MAST4: variants seen among roughly 807,000 people sequenced by gnomAD.
MAST4 encodes the protein microtubule associated serine/threonine kinase family member 4.
In MAST4, 89 loss-of-function variants were observed where a neutral mutation model predicts 162.7. The observed-to-expected ratio is 0.55, with a 90% CI of 0.46 to 0.65. The LOEUF is 0.65. Among genes scored for constraint, MAST4 ranks in the 30% least tolerant of loss-of-function variants. The pLI, the probability that MAST4 is intolerant of heterozygous loss-of-function variation, is 0.00. For synonymous variants in MAST4, 1,479 were observed against 1,361.1 expected (o/e 1.09, Z -1.91); for missense variants, 3,153 against 3,374.0 (o/e 0.93, Z 1.62).
intron 4 of MAST4, among the ~76,000 whole-genome samples, chr5:66,943,035 A>AC (rs1302536716): frequency 6.6e-6 from 1 of 152,012 alleles, no homozygotes; most frequent in Non-Finnish European, 1.5e-5. Flanking sequence ...TTTATAAGGT[A>AC]CTGATGCCAT....
In MAST4 at chr5:67,142,172, T is replaced by G. The variant is rs373308515; in HGVS notation, c.2552T>G (p.Leu851Trp). 1 of 1,613,990 alleles carries G rather than the reference T, an allele frequency of 6.2e-7. No individual in the cohort carries two copies. The highest frequency in any genetic ancestry group is 1.3e-5 in the African/African-American group (1 of 75,066). ...RFFRSLDWNSLLRQKAEFIPQ... is the reference protein window; with the variant it reads ...RFFRSLDWNSWLRQKAEFIPQ... ...TTCCGTTCTTTAGACTGGAACAGTT[T>G]GCTGAGACAGAAGGCAGAATTTATT... The change falls in exon 20 of 29, where the codon TTG (leucine) becomes TGG (tryptophan). Residue 851 changes from leucine (L) to tryptophan (W), a missense_variant. Transcript: ENST00000403625.
intron 3 of MAST4, among the ~76,000 whole-genome samples, chr5:66,892,899 T>G (rs1348301765): frequency 6.6e-6 from 1 of 152,164 alleles, no homozygotes; most frequent in Non-Finnish European, 1.5e-5. Context: ...GCCAGCTGAT[T>G]TTGTGATGAA....
chr5:67,019,849 T>A (rs1753761154), intron 4 of MAST4, among the ~76,000 whole-genome samples: 1 of 152,154 alleles, frequency 6.6e-6, no homozygotes, highest in Non-Finnish European at 1.5e-5. Context: ...GGAGGTATAA[T>A]CTGGAATAGA....
At chr5:66,873,653 T>C (rs2149880868) in intron 3 of MAST4, among the ~76,000 whole-genome samples, 1 of 152,336 alleles carries the variant, frequency 6.6e-6, no homozygotes, top group African/African-American at 2.4e-5. Flanking sequence ...GGTGATCATT[T>C]AACACTGAGC....
chr5:66,782,542 C>T lies in MAST4; in HGVS notation c.518-6128C>T, dbSNP rs114256565. Among the ~76,000 whole-genome samples the T allele has an allele frequency of 2.1e-3, 326 of 152,328 alleles. 2 individuals are homozygous for T. The highest frequency in any genetic ancestry group is 7.5e-3 in the African/African-American group (310 of 41,570). On this transcript the variant is annotated intron_variant, in intron 2 of 28. Coordinates refer to ENST00000403625, the MANE Select transcript of MAST4 (RefSeq NM_001164664.2). Reference sequence around the variant, plus strand: ...GTTGAGACCTGACACGCTCTTGTATCAATCCGTCCAACTGATTCCAGCTTT... The same window carrying T: ...GTTGAGACCTGACACGCTCTTGTATTAATCCGTCCAACTGATTCCAGCTTT...
chr5:66,837,423 G>T (rs987473607), intron 3 of MAST4, among the ~76,000 whole-genome samples: 2 of 151,990 alleles, frequency 1.3e-5, no homozygotes, highest in Non-Finnish European at 2.9e-5. Context: ...TGGGTTTTGG[G>T]TGCCTGTTTT....
chr5:67,054,554 A>C, intron 5 of MAST4, 62 bp downstream of exon 5: 2 of 1,393,880 alleles, frequency 1.4e-6, no homozygotes, highest in South Asian at 2.6e-5. Flanking sequence ...TTTTAAAATA[A>C]TTAATGCATT....
At chr5:66,673,224 T>C (rs1225936964) in intron 1 of MAST4, among the ~76,000 whole-genome samples, 1 of 152,164 alleles carries the variant, frequency 6.6e-6, no homozygotes, top group African/African-American at 2.4e-5. Flanking sequence ...AATTATCTGC[T>C]TACACTTTCT....
Position 67,064,309 on chromosome 5 carries a change from G to T in MAST4, c.763+9817G>T, listed in dbSNP as rs551019604. On this transcript the variant is annotated intron_variant, in intron 5 of 28. Transcript: ENST00000403625. ...TGCCATAGAATCCAAGAGCAGACGGGTGCCCACAATGAGGGAGGCGTCCAT... is the reference window on the plus strand; with the variant it reads ...TGCCATAGAATCCAAGAGCAGACGGTTGCCCACAATGAGGGAGGCGTCCAT... Among the ~76,000 whole-genome samples the T allele has an allele frequency of 5.3e-5, 8 of 152,276 alleles. No homozygotes were observed. The South Asian group carries it at 1.7e-3, about 32-fold the overall frequency.
At chr5:66,711,201 A>T (rs1750477478) in intron 1 of MAST4, among the ~76,000 whole-genome samples, 1 of 152,150 alleles carries the variant, frequency 6.6e-6, no homozygotes, top group Admixed American at 6.5e-5. Flanking sequence ...TGGTTATGCC[A>T]TTCTATTATT....
chr5:66,759,899 A>G, intron 2 of MAST4, 37 bp downstream of exon 2: 1 of 1,610,872 alleles, frequency 6.2e-7, no homozygotes, highest in Non-Finnish European at 8.5e-7. Flanking sequence ...AAGGAATTGC[A>G]TTTCTTTACA....
intron 4 of MAST4, among the ~76,000 whole-genome samples, chr5:66,929,853 A>AG: frequency 6.6e-6 from 1 of 152,232 alleles, no homozygotes; most frequent in Non-Finnish European, 1.5e-5. Flanking sequence ...GCAAGGTGGA[A>AG]GTAGCTTGAG....
intron 4 of MAST4, among the ~76,000 whole-genome samples, chr5:66,973,392 T>G (rs1457728101): frequency 6.6e-6 from 1 of 152,176 alleles, no homozygotes; most frequent in Non-Finnish European, 1.5e-5. Context: ...TATACTGTCT[T>G]TCTTCTTCCC....
chr5:67,047,865 TAGTGCTTATCCA>T (rs1757569053), intron 4 of MAST4, among the ~76,000 whole-genome samples: 1 of 152,152 alleles, frequency 6.6e-6, no homozygotes, highest in Non-Finnish European at 1.5e-5. Context: ...TAAGGAGGAA[TAGTGCTTATCCA>T]GCCAGCTACT....
chr5:66,903,203 T>G (rs1763119923), intron 4 of MAST4, among the ~76,000 whole-genome samples: 1 of 152,164 alleles, frequency 6.6e-6, no homozygotes, highest in Non-Finnish European at 1.5e-5. Flanking sequence ...GTGGAGAGAA[T>G]GAAAGACATT....
chr5:66,635,113 C>T (rs991168376), intron 1 of MAST4, among the ~76,000 whole-genome samples: 2 of 152,202 alleles, frequency 1.3e-5, no homozygotes, highest in African/African-American at 4.8e-5. Flanking sequence ...TTATACCACA[C>T]ACCTAAAGAG....
chr5:66,874,996 G>A (rs530154927), intron 3 of MAST4, among the ~76,000 whole-genome samples: 11 of 152,230 alleles, frequency 7.2e-5, no homozygotes, highest in African/African-American at 2.4e-4. Context: ...GGAAAATCAA[G>A]GAATTGTGTT....
At chr5:66,609,249 GT>G (rs1275967468) in intron 1 of MAST4, among the ~76,000 whole-genome samples, 2 of 151,984 alleles carry the variant, frequency 1.3e-5, no homozygotes, top group African/African-American at 4.8e-5. Context: ...ATTTAAAAAG[GT>G]TTGTAGGATC....
chr5:67,107,789 A>G (rs999639879), intron 10 of MAST4, among the ~76,000 whole-genome samples: 3 of 152,212 alleles, frequency 2.0e-5, no homozygotes, highest in African/African-American at 4.8e-5. Flanking sequence ...GAATGCTTTT[A>G]TGTCTCCATT....
Sources: allele counts gnomAD v4.1 joint callset (sites outside exome capture counted in the v4.1 genomes callset), GRCh38; gene constraint gnomAD v4.1.1; transcripts MANE v1.5; gene names NCBI Gene and HGNC (gene_info 2026-07-23, HGNC 2026-07-21).